DOK5: variants seen among roughly 807,000 people sequenced by gnomAD.
DOK5 encodes the protein docking protein 5, also known as downstream of tyrosine kinase 5.
DOK5 carries 27 observed loss-of-function variants against 43.3 expected under a neutral mutation model. That is an observed-to-expected ratio of 0.62 (90% CI 0.46 to 0.86). The LOEUF is 0.86. DOK5 is among the 40% of genes least tolerant of loss of function. The pLI, the probability that DOK5 is intolerant of heterozygous loss-of-function variation, is 0.00. For synonymous variants in DOK5, 146 were observed against 140.1 expected (o/e 1.04, Z -0.30); for missense variants, 373 against 392.9 (o/e 0.95, Z 0.43).
chr20:54,540,580 G>A lies in DOK5; in HGVS notation c.67-14353G>A, dbSNP rs989423504. ...GCCCAGGCTGGAGTGCAGTGCATGA[G>A]CATGACTCACTGCAGCCTCAACCTC... On this transcript the variant is annotated intron_variant, in intron 1 of 7. Transcript: ENST00000262593. Among the ~76,000 whole-genome samples, 8 of 152,184 alleles carry A rather than the reference G, an allele frequency of 5.3e-5. No homozygotes were observed. In the East Asian group the frequency reaches 1.4e-3, roughly 26 times the overall value.
At chr20:54,619,989 A>G (rs1196524534) in intron 6 of DOK5, among the ~76,000 whole-genome samples, 1 of 152,058 alleles carries the variant, frequency 6.6e-6, no homozygotes, top group African/African-American at 2.4e-5. Flanking sequence ...CCTCCCCACC[A>G]CAAGAAAATC....
chr20:54,643,568 C>T lies in DOK5; in HGVS notation c.846C>T (p.Tyr282=). Reference sequence around the variant, plus strand: ...GGCAGCACAGCACGGGACAGCTCTACCGCTTGCAAGGTAAGCGTGGGGCTA... The same window carrying T: ...GGCAGCACAGCACGGGACAGCTCTATCGCTTGCAAGGTAAGCGTGGGGCTA... ...ITRQHSTGQL[Y]RLQDVSSPLK... Residue 282 remains tyrosine (Y), a synonymous_variant, in exon 7 of 8, where the codon TAC becomes TAT. Coordinates refer to ENST00000262593, the MANE Select transcript of DOK5 (RefSeq NM_018431.5). The T allele has an allele frequency of 6.2e-7, 1 of 1,612,746 alleles. No individual in the cohort carries two copies. Among genetic ancestry groups the T allele is most frequent in the Admixed American group, 1.7e-5 (1 of 60,016 alleles).
chr20:54,618,205 C>T (rs1986873206), intron 6 of DOK5, among the ~76,000 whole-genome samples: 1 of 152,160 alleles, frequency 6.6e-6, no homozygotes, highest in Non-Finnish European at 1.5e-5. Context: ...CTACGTAGCT[C>T]ATTACTACTG....
At chr20:54,627,284 C>T (rs78478036) in intron 6 of DOK5, among the ~76,000 whole-genome samples, 1,857 of 152,274 alleles carry the variant, frequency 0.012, 38 homozygotes, top group South Asian at 0.069. Flanking sequence ...AGTTTGTGAA[C>T]TTTAGTTAAT....
intron 1 of DOK5, among the ~76,000 whole-genome samples, chr20:54,550,239 G>C (rs745772202): frequency 1.8e-4 from 27 of 150,666 alleles, no homozygotes; most frequent in Non-Finnish European, 3.2e-4. Flanking sequence ...AGATTAGGCT[G>C]TAATTTTAAG....
chr20:54,483,190 G>A (rs527562602), intron 1 of DOK5, among the ~76,000 whole-genome samples: 1 of 152,118 alleles, frequency 6.6e-6, no homozygotes, highest in African/African-American at 2.4e-5. Flanking sequence ...TTTGTATATA[G>A]ACATAAACCA....
intron 2 of DOK5, among the ~76,000 whole-genome samples, chr20:54,576,965 T>C (rs2146754095): frequency 6.6e-6 from 1 of 152,368 alleles, no homozygotes; most frequent in African/African-American, 2.4e-5. Context: ...TATTTGTCTC[T>C]AAGACCATTT....
intron 1 of DOK5, among the ~76,000 whole-genome samples, chr20:54,510,138 C>A (rs1434411120): frequency 6.6e-6 from 1 of 152,126 alleles, no homozygotes; most frequent in East Asian, 1.9e-4. Context: ...TACCGACTTA[C>A]ATTTTTTTGT....
chr20:54,588,466 T>C lies in DOK5; in HGVS notation c.175-17T>C. On this transcript the variant is annotated splice_polypyrimidine_tract_variant and intron_variant, in intron 2 of 7. Coordinates refer to ENST00000262593, the MANE Select transcript of DOK5 (RefSeq NM_018431.5). The stretch of plus-strand genomic sequence containing the variant: ...TCATTCAGGGAGTGTGTCAAACTTC[T>C]AATTGTTCATTTTCAGGTTACAGAA... 6.2e-7 allele frequency: 1 copy of C among 1,609,318 alleles called. No homozygotes were observed. The highest frequency in any genetic ancestry group is 1.1e-5 in the South Asian group (1 of 90,968).
chr20:54,489,050 A>G (rs1156362286), intron 1 of DOK5, among the ~76,000 whole-genome samples: 1 of 152,190 alleles, frequency 6.6e-6, no homozygotes, highest in Admixed American at 6.5e-5. Context: ...GAAGACAAAT[A>G]GAAAACTGTG....
At chr20:54,581,533 C>T (rs1985640646) in intron 2 of DOK5, among the ~76,000 whole-genome samples, 1 of 151,720 alleles carries the variant, frequency 6.6e-6, no homozygotes, top group Non-Finnish European at 1.5e-5. Context: ...GGATGCCTTT[C>T]AATTTATCTG....
chr20:54,558,958 TG>T (rs1246409279), intron 2 of DOK5, among the ~76,000 whole-genome samples: 2 of 152,146 alleles, frequency 1.3e-5, no homozygotes, highest in Admixed American at 6.5e-5. Context: ...ATATGAATAA[TG>T]CACATATAGA....
At chr20:54,482,637 C>T (rs1219210559) in intron 1 of DOK5, among the ~76,000 whole-genome samples, 1 of 152,062 alleles carries the variant, frequency 6.6e-6, no homozygotes, top group African/African-American at 2.4e-5. Context: ...GCTGGGACTA[C>T]AGGCACATGT....
intron 1 of DOK5, among the ~76,000 whole-genome samples, chr20:54,541,822 T>A (rs1272393084): frequency 6.6e-6 from 1 of 152,152 alleles, no homozygotes; most frequent in Non-Finnish European, 1.5e-5. Flanking sequence ...TCTTCTCCTA[T>A]CTTCAAGCTT....
chr20:54,502,928 A>G (rs1270510982), intron 1 of DOK5, among the ~76,000 whole-genome samples: 2 of 152,196 alleles, frequency 1.3e-5, no homozygotes, highest in African/African-American at 4.8e-5. Context: ...AATAACTAGA[A>G]TTGCAAATTA....
chr20:54,594,541 A>G (rs1337162144), intron 5 of DOK5, among the ~76,000 whole-genome samples: 1 of 123,560 alleles, frequency 8.1e-6, no homozygotes, highest in Non-Finnish European at 1.6e-5. Flanking sequence ...TGTTTTATAA[A>G]TAGACTTTTC....
intron 2 of DOK5, among the ~76,000 whole-genome samples, chr20:54,556,245 A>G (rs1984704040): frequency 1.3e-5 from 2 of 152,280 alleles, no homozygotes; most frequent in Non-Finnish European, 2.9e-5. Flanking sequence ...TCCCACTCCC[A>G]GCCTTTCTTC....
chr20:54,552,631 G>A (rs6091918), intron 1 of DOK5, among the ~76,000 whole-genome samples: 3,081 of 152,084 alleles, frequency 0.02, 103 homozygotes, highest in African/African-American at 0.07. Context: ...ATTATATATT[G>A]TAGAAGTATT....
At chr20:54,488,873 AT>A (rs1196087834) in intron 1 of DOK5, among the ~76,000 whole-genome samples, 1 of 151,206 alleles carries the variant, frequency 6.6e-6, no homozygotes, top group Non-Finnish European at 1.5e-5. Flanking sequence ...CATTTTACAA[AT>A]TATTTACATC....
Sources: allele counts gnomAD v4.1 joint callset (sites outside exome capture counted in the v4.1 genomes callset), GRCh38; gene constraint gnomAD v4.1.1; transcripts MANE v1.5; gene names NCBI Gene and HGNC (gene_info 2026-07-23, HGNC 2026-07-21).